The following RPRD1A variants were observed in gnomAD, a reference collection of about 807,000 sequenced individuals.
The protein encoded by RPRD1A is regulation of nuclear pre-mRNA domain-containing protein 1A.
RPRD1A carries 9 observed loss-of-function variants against 37.8 expected under a neutral mutation model. The observed-to-expected ratio is 0.24, with a 90% confidence interval of 0.14 to 0.42. RPRD1A has a LOEUF of 0.42. RPRD1A is among the 10% of genes least tolerant of loss of function. The probability of loss-of-function intolerance (pLI) is 1.00; values close to 1 mark genes in which losing one functional copy is unlikely to be tolerated. For missense variants in RPRD1A, 255 were observed against 371.0 expected, an observed-to-expected ratio of 0.69 and a Z score of 2.57; for synonymous variants, 138 against 139.7, an observed-to-expected ratio of 0.99 and a Z score of 0.08.
intron 2 of RPRD1A, among the ~76,000 whole-genome samples, chr18:36,033,325 A>AAAAAAG (rs1911946953): frequency 7.9e-6 from 1 of 125,978 alleles, no homozygotes; most frequent in African/African-American, 2.8e-5. Flanking sequence ...AAAAAAAAAA[A>AAAAAAG]GAATAGAAAC....
At chr18:36,040,779 TAGA>T in intron 1 of RPRD1A, 4 of 1,387,940 alleles carry the variant, frequency 2.9e-6, no homozygotes, top group Non-Finnish European at 3.9e-6. Context: ...GGTACTTACA[TAGA>T]AGAAAAGTGT....
intron 1 of RPRD1A, among the ~76,000 whole-genome samples, chr18:36,052,080 A>C (rs72884936): frequency 6.6e-6 from 1 of 152,050 alleles, no homozygotes; most frequent in Non-Finnish European, 1.5e-5. Flanking sequence ...AAGGAGTCTC[A>C]GTAAGATTAA....
intron 1 of RPRD1A, chr18:36,052,949 T>C (rs1246377811): frequency 6.6e-6 from 1 of 151,938 alleles, no homozygotes; most frequent in East Asian, 1.9e-4. Context: ...ATTTTTAAAG[T>C]TTAAATTAAA....
At position 36,012,337 on chromosome 18, in the gene RPRD1A, G is replaced by A. The variant is rs183113135; in HGVS notation, c.789+14563C>T. ...TTTGATAATGAAAATAAATGACTTCGTTACCGGTTTATGTATTTACTACAC... is the reference window on the plus strand; with the variant it reads ...TTTGATAATGAAAATAAATGACTTCATTACCGGTTTATGTATTTACTACAC... On this transcript the variant is annotated intron_variant, in intron 6 of 6. Coordinates refer to ENST00000399022, the MANE Select transcript of RPRD1A (RefSeq NM_018170.5). Among the ~76,000 whole-genome samples, 14 of 152,154 alleles carry A rather than the reference G, an allele frequency of 9.2e-5. No individual in the cohort carries two copies. In the East Asian group the frequency reaches 1.4e-3, roughly 15 times the overall value.
At chr18:36,061,858 A>G (rs966567977) in intron 1 of RPRD1A, among the ~76,000 whole-genome samples, 11 of 152,382 alleles carry the variant, frequency 7.2e-5, no homozygotes, top group Admixed American at 6.5e-4. Context: ...CAAATGGCCA[A>G]TAAGTACATG....
At chr18:36,066,226 T>C (rs1296186345) in intron 1 of RPRD1A, among the ~76,000 whole-genome samples, 1 of 152,196 alleles carries the variant, frequency 6.6e-6, no homozygotes, top group Admixed American at 6.5e-5. Flanking sequence ...ACAAACAATA[T>C]ACAAGGACAG....
chr18:36,014,252 A>G (rs192542113), intron 6 of RPRD1A, among the ~76,000 whole-genome samples: 207 of 152,350 alleles, frequency 1.4e-3, no homozygotes, highest in Non-Finnish European at 2.0e-3. Flanking sequence ...CTCTCAAAAC[A>G]GTATGTTCCC....
intron 6 of RPRD1A, among the ~76,000 whole-genome samples, chr18:36,003,780 GTTTT>G (rs987085567): frequency 6.6e-6 from 1 of 151,702 alleles, no homozygotes; most frequent in Non-Finnish European, 1.5e-5. Flanking sequence ...AAAGTCTAAA[GTTTT>G]TTTTGTTTTG....
At chr18:36,051,580 T>C (rs1913398907) in intron 1 of RPRD1A, among the ~76,000 whole-genome samples, 1 of 152,210 alleles carries the variant, frequency 6.6e-6, no homozygotes, top group African/African-American at 2.4e-5. Flanking sequence ...CTTTCCAACA[T>C]TCATTCAGTA....
chr18:36,035,525 A>T (rs1912126914), intron 1 of RPRD1A, among the ~76,000 whole-genome samples: 2 of 152,220 alleles, frequency 1.3e-5, no homozygotes, highest in Admixed American at 1.3e-4. Context: ...TAACAACTAG[A>T]CCATGCTTCC....
At chr18:36,051,910 A>G (rs976619799) in intron 1 of RPRD1A, among the ~76,000 whole-genome samples, 7 of 152,210 alleles carry the variant, frequency 4.6e-5, no homozygotes, top group Non-Finnish European at 8.8e-5. Context: ...GGATGAAGAA[A>G]TGATACATGA....
chr18:36,003,551 G>C (rs890123828), intron 6 of RPRD1A, among the ~76,000 whole-genome samples: 1 of 152,144 alleles, frequency 6.6e-6, no homozygotes, highest in Non-Finnish European at 1.5e-5. Flanking sequence ...TATATTACTC[G>C]ACAGAAAATG....
chr18:36,024,766 T>G (rs1168299556), intron 6 of RPRD1A: 2 of 152,202 alleles, frequency 1.3e-5, no homozygotes. Context: ...AATCTTCACC[T>G]CTCAGTCTCA....
chr18:36,003,551 G>A (rs890123828), intron 6 of RPRD1A, among the ~76,000 whole-genome samples: 7 of 152,144 alleles, frequency 4.6e-5, no homozygotes, highest in African/African-American at 1.7e-4. Context: ...TATATTACTC[G>A]ACAGAAAATG....
chr18:36,046,669 A>AG (rs1167373137), intron 1 of RPRD1A, among the ~76,000 whole-genome samples: 1 of 151,548 alleles, frequency 6.6e-6, no homozygotes, highest in African/African-American at 2.4e-5. Flanking sequence ...CCGTCTTCAC[A>AG]GAAAAAAAAA....
chr18:36,018,312 C>G (rs867018128), intron 6 of RPRD1A, among the ~76,000 whole-genome samples: 2 of 148,682 alleles, frequency 1.3e-5, no homozygotes, highest in Non-Finnish European at 3.0e-5. Flanking sequence ...CTCGCTCTGT[C>G]GCCCAGGCTG....
intron 6 of RPRD1A, among the ~76,000 whole-genome samples, chr18:36,015,073 A>T (rs898609821): frequency 4.6e-5 from 7 of 151,604 alleles, no homozygotes; most frequent in African/African-American, 1.2e-4. Flanking sequence ...TTAATGTATA[A>T]TCTAGCAATT....
intron 1 of RPRD1A, among the ~76,000 whole-genome samples, chr18:36,043,643 C>T (rs1912755786): frequency 6.6e-6 from 1 of 152,212 alleles, no homozygotes; most frequent in Non-Finnish European, 1.5e-5. Context: ...CCCATTTATT[C>T]ACATTACACT....
At chr18:36,053,443 T>C (rs1913540133) in intron 1 of RPRD1A, among the ~76,000 whole-genome samples, 2 of 152,208 alleles carry the variant, frequency 1.3e-5, no homozygotes, top group South Asian at 4.1e-4. Flanking sequence ...GTCTGCCGCC[T>C]TCTGCTTTGC....
Sources: gnomAD v4.1 joint callset for allele counts (sites outside exome capture counted in the v4.1 genomes callset) on GRCh38, gnomAD v4.1.1 for gene constraint, MANE v1.5 for transcripts, NCBI Gene and HGNC (gene_info 2026-07-23, HGNC 2026-07-21) for gene names.